The following ARHGEF38 variants were observed in gnomAD, a reference collection of about 807,000 sequenced individuals.
The protein encoded by ARHGEF38 is Rho guanine nucleotide exchange factor 38.
In ARHGEF38, 79 loss-of-function variants were observed where a neutral mutation model predicts 79.9. That is an observed-to-expected ratio of 0.99 (90% confidence interval 0.82 to 1.19). The LOEUF (loss-of-function observed/expected upper bound fraction) is 1.19, where lower values mean the gene tolerates loss of function less well. ARHGEF38 is among the 50% of genes most tolerant of loss of function. ARHGEF38 has a pLI of 0.00. For synonymous variants in ARHGEF38, 366 were observed against 328.3 expected, an observed-to-expected ratio of 1.11 and a Z score of -1.24; for missense variants, 962 against 907.2, an observed-to-expected ratio of 1.06 and a Z score of -0.78.
chr4:105,591,260 G>T (rs756139383), intron 2 of ARHGEF38, among the ~76,000 whole-genome samples: 1 of 151,856 alleles, frequency 6.6e-6, no homozygotes, highest in African/African-American at 2.4e-5. Context: ...ACAGAGTCTC[G>T]CTCTGTCACC....
intron 2 of ARHGEF38, among the ~76,000 whole-genome samples, chr4:105,611,039 T>C (rs1728273027): frequency 6.6e-6 from 1 of 152,116 alleles, no homozygotes; most frequent in Admixed American, 6.6e-5. Flanking sequence ...CTGAACTTCT[T>C]GCATAAGTTT....
At chr4:105,639,414 C>T (rs1729531534) in intron 5 of ARHGEF38, among the ~76,000 whole-genome samples, 1 of 151,614 alleles carries the variant, frequency 6.6e-6, no homozygotes, top group Admixed American at 6.6e-5. Flanking sequence ...TCATTTTTTT[C>T]TACTGTGCCT....
At chr4:105,583,957 C>A (rs1006308228) in intron 1 of ARHGEF38, among the ~76,000 whole-genome samples, 1 of 151,974 alleles carries the variant, frequency 6.6e-6, no homozygotes. Flanking sequence ...GTTTCCTTTT[C>A]TGATCCTTTA....
At chr4:105,630,249 CTT>C (rs5860803) in intron 3 of ARHGEF38, among the ~76,000 whole-genome samples, 40 of 139,840 alleles carry the variant, frequency 2.9e-4, no homozygotes, top group Admixed American at 2.9e-4. Context: ...AACTGCAACT[CTT>C]TTTTTTTTTT....
intron 3 of ARHGEF38, among the ~76,000 whole-genome samples, chr4:105,619,682 G>A (rs1728661293): frequency 6.6e-6 from 1 of 152,082 alleles, no homozygotes; most frequent in African/African-American, 2.4e-5. Context: ...TAGGGTAAAG[G>A]CCTCAAAGCA....
At chr4:105,604,739 A>G (rs1727967852) in intron 2 of ARHGEF38, among the ~76,000 whole-genome samples, 1 of 152,118 alleles carries the variant, frequency 6.6e-6, no homozygotes, top group African/African-American at 2.4e-5. Context: ...GAAGAAATAA[A>G]CACACATGTA....
At chr4:105,604,806 G>T (rs901919006) in intron 2 of ARHGEF38, among the ~76,000 whole-genome samples, 1 of 152,028 alleles carries the variant, frequency 6.6e-6, no homozygotes, top group Non-Finnish European at 1.5e-5. Flanking sequence ...AGCAAAAAAT[G>T]TTTACCCCAT....
At chr4:105,628,729 A>G (rs1729058695) in intron 3 of ARHGEF38, among the ~76,000 whole-genome samples, 1 of 152,080 alleles carries the variant, frequency 6.6e-6, no homozygotes, top group African/African-American at 2.4e-5. Flanking sequence ...ACACACACAC[A>G]CTCACATGTG....
chr4:105,596,537 G>T (rs1017378437), intron 2 of ARHGEF38, among the ~76,000 whole-genome samples: 1 of 152,138 alleles, frequency 6.6e-6, no homozygotes, highest in Admixed American at 6.5e-5. Flanking sequence ...TAAAAATACT[G>T]TTCAAAGACC....
chr4:105,562,703 T>C (rs1171225222), intron 1 of ARHGEF38, among the ~76,000 whole-genome samples: 1 of 152,090 alleles, frequency 6.6e-6, no homozygotes, highest in Non-Finnish European at 1.5e-5. Flanking sequence ...GCCCACTGAG[T>C]GAGACAGGTT....
intron 5 of ARHGEF38, among the ~76,000 whole-genome samples, chr4:105,640,089 T>C (rs1729557052): frequency 6.6e-6 from 1 of 152,012 alleles, no homozygotes; most frequent in South Asian, 2.1e-4. Context: ...TCTTTAACTT[T>C]CTCCTGTAGA....
chr4:105,675,496 T>G (rs1390760767), intron 13 of ARHGEF38, among the ~76,000 whole-genome samples: 10 of 152,378 alleles, frequency 6.6e-5, no homozygotes, highest in African/African-American at 2.4e-4. Flanking sequence ...TCTTTTATGA[T>G]ACAAGATGAT....
chr4:105,608,435 T>C (rs2110485217), intron 2 of ARHGEF38, among the ~76,000 whole-genome samples: 1 of 151,972 alleles, frequency 6.6e-6, no homozygotes, highest in South Asian at 2.1e-4. Flanking sequence ...TTTTTAATTT[T>C]TATAAATATA....
At chr4:105,554,244 T>G (rs1725146662) in intron 1 of ARHGEF38, among the ~76,000 whole-genome samples, 1 of 152,148 alleles carries the variant, frequency 6.6e-6, no homozygotes, top group African/African-American at 2.4e-5. Context: ...TATATGTGTG[T>G]TTGTTACTTG....
chr4:105,630,147 T>C lies in ARHGEF38; in HGVS notation c.509-751T>C, dbSNP rs1023498702. ...GACTCTCTAAAATTGAATCTATTGGTGTCATCAGGTTTAAAGAGTAAAAAT... is the reference window on the plus strand; with the variant it reads ...GACTCTCTAAAATTGAATCTATTGGCGTCATCAGGTTTAAAGAGTAAAAAT... On this transcript the variant is annotated intron_variant, in intron 3 of 13. Coordinates refer to ENST00000420470, the MANE Select transcript of ARHGEF38 (RefSeq NM_001242729.2). Among the ~76,000 whole-genome samples, 5 of 152,088 alleles carry C rather than the reference T, an allele frequency of 3.3e-5. No homozygotes were observed. The South Asian group carries it at 6.2e-4, about 19-fold the overall frequency.
intron 2 of ARHGEF38, among the ~76,000 whole-genome samples, chr4:105,593,210 C>T (rs1437337607): frequency 6.6e-6 from 1 of 152,052 alleles, no homozygotes. Context: ...AAAAATCTGT[C>T]CCTGCGATTG....
chr4:105,606,964 T>C (rs1458039341), intron 2 of ARHGEF38, among the ~76,000 whole-genome samples: 2 of 152,178 alleles, frequency 1.3e-5, no homozygotes, highest in Non-Finnish European at 2.9e-5. Context: ...ACTACTTTTA[T>C]AATAATAGCC....
intron 4 of ARHGEF38, among the ~76,000 whole-genome samples, chr4:105,632,502 T>G (rs956775637): frequency 2.6e-5 from 4 of 152,200 alleles, no homozygotes; most frequent in Non-Finnish European, 5.9e-5. Context: ...TTTGAAGTTG[T>G]GTTCATTTTA....
At chr4:105,581,453 T>C (rs1397662456) in intron 1 of ARHGEF38, among the ~76,000 whole-genome samples, 1 of 152,174 alleles carries the variant, frequency 6.6e-6, no homozygotes, top group African/African-American at 2.4e-5. Context: ...CCTCAACATC[T>C]CCTAACCTCT....
Sources: gnomAD v4.1 joint callset for allele counts (sites outside exome capture counted in the v4.1 genomes callset) on GRCh38, gnomAD v4.1.1 for gene constraint, MANE v1.5 for transcripts, NCBI Gene and HGNC (gene_info 2026-07-23, HGNC 2026-07-21) for gene names.